The following KDM1A variants were observed in gnomAD, a reference collection of about 807,000 sequenced individuals.
KDM1A encodes lysine demethylase 1A.
A neutral mutation model predicts 109.4 loss-of-function variants in KDM1A; 49 were observed. The observed-to-expected ratio is 0.45, with a 90% CI of 0.36 to 0.57. The LOEUF is 0.57. KDM1A is among the 20% of genes least tolerant of loss of function. KDM1A has a pLI of 0.00. For missense variants in KDM1A, 668 were observed against 1,116.6 expected, an observed-to-expected ratio of 0.60 and a Z score of 5.73; for synonymous variants, 380 against 415.4, an observed-to-expected ratio of 0.91 and a Z score of 1.04.
chr1:23,043,918 C>T (rs1212052490), intron 2 of KDM1A, among the ~76,000 whole-genome samples: 1 of 152,174 alleles, frequency 6.6e-6, no homozygotes, highest in Non-Finnish European at 1.5e-5. Flanking sequence ...CTAGTGTCTA[C>T]TGTGTATAGT....
At chr1:23,048,839 T>G (rs1642576582) in intron 3 of KDM1A, among the ~76,000 whole-genome samples, 1 of 152,138 alleles carries the variant, frequency 6.6e-6, no homozygotes, top group Non-Finnish European at 1.5e-5. Context: ...AACTTCTTGT[T>G]TTATGTGCTT....
At position 23,079,532 on chromosome 1, in the gene KDM1A, T is replaced by C. The variant is rs1249111347; in HGVS notation, c.2056-21T>C. 3.1e-6 allele frequency: 5 copies of C among 1,589,558 alleles called. No individual in the cohort carries two copies. Among genetic ancestry groups the C allele is most frequent in the Non-Finnish European group, 4.3e-6 (5 of 1,160,472 alleles). On this transcript the variant is annotated intron_variant, in intron 17 of 20. Coordinates refer to ENST00000400181, the MANE Select transcript of KDM1A (RefSeq NM_001009999.3). The surrounding 1 kb of genome is among the most constrained non-coding windows in gnomAD (Gnocchi z 5.6). The stretch of plus-strand genomic sequence containing the variant: ...TTATCTGGCCCCTGTCACTGGCTCA[T>C]GTGCTTCTTTCTTATGGTAGGTGGT...
intron 2 of KDM1A, among the ~76,000 whole-genome samples, chr1:23,037,120 A>AT (rs1642169329): frequency 7.8e-6 from 1 of 127,898 alleles, no homozygotes; most frequent in Admixed American, 7.8e-5. Context: ...CCACTAAAAA[A>AT]AATATATATA....
intron 9 of KDM1A, among the ~76,000 whole-genome samples, chr1:23,062,272 G>A (rs1643022443): frequency 6.6e-6 from 1 of 152,200 alleles, no homozygotes; most frequent in Non-Finnish European, 1.5e-5. Flanking sequence ...AACTGCCTGT[G>A]TGACGACATC....
intron 1 of KDM1A, among the ~76,000 whole-genome samples, chr1:23,023,738 G>A (rs895211666): frequency 3.9e-5 from 6 of 152,174 alleles, no homozygotes; most frequent in Admixed American, 6.5e-5. Flanking sequence ...AGGGCTGCTG[G>A]GATTCTGATT....
intron 1 of KDM1A, among the ~76,000 whole-genome samples, chr1:23,027,505 C>T (rs1019833986): frequency 6.9e-6 from 1 of 144,944 alleles, no homozygotes; most frequent in East Asian, 2.0e-4. Context: ...GCCTTGACCC[C>T]CCCCCGCCCC....
intron 10 of KDM1A, among the ~76,000 whole-genome samples, chr1:23,067,159 A>T (rs1202281028): frequency 6.6e-6 from 1 of 152,132 alleles, no homozygotes; most frequent in East Asian, 1.9e-4. Context: ...AGAGATTTAG[A>T]TTTTCTTTAG....
chr1:23,027,559 A>C (rs1030862919), intron 1 of KDM1A, among the ~76,000 whole-genome samples: 3 of 142,740 alleles, frequency 2.1e-5, no homozygotes, highest in Admixed American at 2.1e-4. Context: ...AGTAGCTGGA[A>C]CTGCAGGTGC....
chr1:23,065,432 A>G (rs1260403664), intron 9 of KDM1A, among the ~76,000 whole-genome samples: 1 of 152,228 alleles, frequency 6.6e-6, no homozygotes, highest in East Asian at 1.9e-4. Context: ...CCTAAGGGAC[A>G]AGTATTTTAT....
rs544953926 is a variant in KDM1A at position 23,040,838 on chromosome 1, A to G, written c.518-3589A>G. Among the ~76,000 whole-genome samples, 4 of 152,304 alleles carry G rather than the reference A, an allele frequency of 2.6e-5. No individual in the cohort carries two copies. In the South Asian group the frequency reaches 8.3e-4, roughly 32 times the overall value. On this transcript the variant is annotated intron_variant, in intron 2 of 20. Coordinates refer to ENST00000400181, the MANE Select transcript of KDM1A (RefSeq NM_001009999.3). ...AGTCTCTGCTTCAAGCTTGAGGACTATTTTGTAGGTTTGGTGGTTTGGGAT... is the reference window on the plus strand; with the variant it reads ...AGTCTCTGCTTCAAGCTTGAGGACTGTTTTGTAGGTTTGGTGGTTTGGGAT...
chr1:23,020,524 T>C (rs192361584), intron 1 of KDM1A: 5 of 152,200 alleles, frequency 3.3e-5, no homozygotes, highest in Admixed American at 1.3e-4. Flanking sequence ...CAGCGATCTT[T>C]TGGCGCAGAA....
At chr1:23,057,080 G>GTGGTAGA (rs1336493974) in intron 7 of KDM1A, among the ~76,000 whole-genome samples, 2 of 152,120 alleles carry the variant, frequency 1.3e-5, no homozygotes, top group African/African-American at 4.8e-5. Flanking sequence ...TCAGATTACA[G>GTGGTAGA]TGGTAGAAAG....
chr1:23,081,641 G>A (rs1557604408), intron 19 of KDM1A, 68 bp downstream of exon 19: 68 of 1,566,266 alleles, frequency 4.3e-5, no homozygotes, highest in Non-Finnish European at 5.1e-5. Flanking sequence ...TGTATTTGCA[G>A]CATGTTCTTG....
rs142207119 is a variant in KDM1A, at chr1:23,057,097, T to C, written c.991-387T>C. 4.7e-3 allele frequency among the ~76,000 whole-genome samples: 710 copies of C among 152,228 alleles called. 4 individuals carry two copies. Among genetic ancestry groups the C allele is most frequent in the African/African-American group, 0.016 (654 of 41,530 alleles). On this transcript the variant is annotated intron_variant, in intron 7 of 20. Transcript: ENST00000400181. Reference sequence around the variant, plus strand: ...AGATTACAGTGGTAGAAAGTTGGTGTTTAAATAGTGTTGGGATTTGTGAAC... The same window carrying C: ...AGATTACAGTGGTAGAAAGTTGGTGCTTAAATAGTGTTGGGATTTGTGAAC...
chr1:23,049,213 T>C (rs1034171561), intron 3 of KDM1A, among the ~76,000 whole-genome samples: 1 of 150,448 alleles, frequency 6.6e-6, no homozygotes, highest in Non-Finnish European at 1.5e-5. Flanking sequence ...TTGTTACTTA[T>C]ATGTAATTAC....
At chr1:23,026,069 C>T (rs1019076028) in intron 1 of KDM1A, among the ~76,000 whole-genome samples, 8 of 151,812 alleles carry the variant, frequency 5.3e-5, no homozygotes, top group South Asian at 2.1e-4. Context: ...CCAGCCTTGG[C>T]GACAGTGAGA....
chr1:23,070,921 TTTTC>T (rs987604456), intron 12 of KDM1A, among the ~76,000 whole-genome samples: 4 of 152,228 alleles, frequency 2.6e-5, no homozygotes, highest in Non-Finnish European at 4.4e-5. Context: ...ATACTGGGTT[TTTTC>T]TTTGTTTGTT....
intron 8 of KDM1A, among the ~76,000 whole-genome samples, chr1:23,058,836 T>G (rs1053573048): frequency 3.9e-5 from 6 of 152,198 alleles, no homozygotes; most frequent in Admixed American, 1.3e-4. Flanking sequence ...GGTCTGTAAT[T>G]TTATACACTT....
At chr1:23,040,773 G>A (rs1302817689) in intron 2 of KDM1A, among the ~76,000 whole-genome samples, 1 of 152,134 alleles carries the variant, frequency 6.6e-6, no homozygotes, top group Non-Finnish European at 1.5e-5. Context: ...GGGCGACAGA[G>A]CAAGACCTTG....
Sources: allele counts gnomAD v4.1 joint callset (sites outside exome capture counted in the v4.1 genomes callset), GRCh38; gene constraint gnomAD v4.1.1; non-coding constraint Gnocchi (gnomAD v3.1); transcripts MANE v1.5; gene names NCBI Gene and HGNC (gene_info 2026-07-23, HGNC 2026-07-21).